The following RANBP2 variants were observed in gnomAD, a reference collection of about 807,000 sequenced individuals.
RANBP2 encodes RAN binding protein 2, also known as E3 SUMO-protein ligase RanBP2.
Under a neutral mutation model 303.6 loss-of-function variants are expected in RANBP2, and 57 were observed. The ratio of observed to expected loss-of-function variants is 0.19; its 90% confidence interval spans 0.15 to 0.23. The LOEUF (loss-of-function observed/expected upper bound fraction) is 0.23. RANBP2 is among the 10% of genes least tolerant of loss of function. The probability of loss-of-function intolerance (pLI) is 1.00; values close to 1 mark genes in which losing one functional copy is unlikely to be tolerated. For synonymous variants in RANBP2, 1,167 were observed against 1,301.5 expected, an observed-to-expected ratio of 0.90 and a Z score of 2.23; for missense variants, 3,138 against 3,780.8, an observed-to-expected ratio of 0.83 and a Z score of 4.46.
the RANBP2 span, among the ~76,000 whole-genome samples, chr2:109,120,263 C>T: frequency 2.0e-5 from 3 of 152,198 alleles, no homozygotes; most frequent in East Asian, 1.9e-4. Context: ...CCTGGCTTAC[C>T]CTGCCAGGGG....
chr2:109,272,775 C>A, the RANBP2 span, among the ~76,000 whole-genome samples: 1 of 152,194 alleles, frequency 6.6e-6, no homozygotes, highest in Non-Finnish European at 1.5e-5. Flanking sequence ...AGCATCAATG[C>A]ATCTCAGTTA....
chr2:109,445,642 A>C, the RANBP2 span, among the ~76,000 whole-genome samples: 72 of 152,200 alleles, frequency 4.7e-4, no homozygotes, highest in South Asian at 8.3e-4. Context: ...AAGAGGCTAA[A>C]TATATGAGAG....
At chr2:108,791,703 G>T in the RANBP2 span, 98,062 of 1,601,732 alleles carry the variant, frequency 0.061, 3,662 homozygotes, top group South Asian at 0.14. Flanking sequence ...TTCTTTCCAT[G>T]ATTTGAAGAA....
chr2:109,049,028 T>A, the RANBP2 span, among the ~76,000 whole-genome samples: 9 of 152,260 alleles, frequency 5.9e-5, no homozygotes, highest in Non-Finnish European at 1.5e-5. Flanking sequence ...AAATGTGCTC[T>A]TTGTGAATAA....
At chr2:109,291,157 C>T in the RANBP2 span, among the ~76,000 whole-genome samples, 2 of 152,036 alleles carry the variant, frequency 1.3e-5, no homozygotes, top group Non-Finnish European at 1.5e-5. Context: ...GTCTCATGAA[C>T]GTGGGGAGAG....
At chr2:109,270,028 T>C in the RANBP2 span, among the ~76,000 whole-genome samples, 1 of 152,238 alleles carries the variant, frequency 6.6e-6, no homozygotes, top group Admixed American at 6.5e-5. Context: ...AGATTGCGAT[T>C]GAAGCCACTG....
chr2:109,506,020 T>G, the RANBP2 span, among the ~76,000 whole-genome samples: 1 of 152,174 alleles, frequency 6.6e-6, no homozygotes, highest in East Asian at 1.9e-4. Context: ...AATCACGTAC[T>G]TCACTGCCTG....
chr2:108,912,578 G>A, the RANBP2 span: 17 of 1,159,436 alleles, frequency 1.5e-5, no homozygotes, highest in Admixed American at 9.9e-5. Flanking sequence ...GTGGGGAAGC[G>A]CACCATAATC....
chr2:109,279,068 G>T, the RANBP2 span, among the ~76,000 whole-genome samples: 1 of 152,196 alleles, frequency 6.6e-6, no homozygotes, highest in African/African-American at 2.4e-5. Context: ...AAAGTAAGAG[G>T]ATCTTGGGAA....
the RANBP2 span, among the ~76,000 whole-genome samples, chr2:109,489,508 A>G: frequency 6.6e-6 from 1 of 152,160 alleles, no homozygotes; most frequent in Non-Finnish European, 1.5e-5. Context: ...CTGGGGGAGG[A>G]GAAAGCAGAT....
At chr2:109,645,856 T>C in the RANBP2 span, among the ~76,000 whole-genome samples, 12,683 of 152,256 alleles carry the variant, frequency 0.083, 969 homozygotes, top group East Asian at 0.24. Context: ...TGATTATGGC[T>C]GTCTCCCACA....
downstream of RANBP2, chr2:108,786,995 G>A: frequency 1.0e-6 from 1 of 993,208 alleles, no homozygotes; most frequent in South Asian, 2.6e-5. Flanking sequence ...CAGCCGGCCT[G>A]GGGGCGCGCA....
intron 20 of RANBP2, among the ~76,000 whole-genome samples, chr2:108,768,893 C>T (rs1573824495): frequency 1.3e-5 from 2 of 151,906 alleles, no homozygotes; most frequent in Non-Finnish European, 1.5e-5. Flanking sequence ...ATGAGCCGGG[C>T]GTCGTGGTGC....
the RANBP2 span, among the ~76,000 whole-genome samples, chr2:109,727,670 C>T: frequency 2.0e-5 from 3 of 152,182 alleles, no homozygotes; most frequent in East Asian, 5.8e-4. Flanking sequence ...TGCCCTGGGG[C>T]ACAGAGGGCA....
the RANBP2 span, among the ~76,000 whole-genome samples, chr2:109,326,326 TCA>T: frequency 6.6e-6 from 1 of 152,214 alleles, no homozygotes; most frequent in East Asian, 1.9e-4. Context: ...ACTATCTACT[TCA>T]CAGTTAATGG....
the RANBP2 span, among the ~76,000 whole-genome samples, chr2:109,597,645 A>G: frequency 6.6e-6 from 1 of 152,148 alleles, no homozygotes; most frequent in South Asian, 2.1e-4. Context: ...ACACAAAACC[A>G]TATATAAATC....
chr2:108,881,528 T>C, the RANBP2 span, among the ~76,000 whole-genome samples: 1 of 152,234 alleles, frequency 6.6e-6, no homozygotes, highest in Admixed American at 6.5e-5. Flanking sequence ...CTTTCACAAC[T>C]TCGTAGTTTG....
the RANBP2 span, among the ~76,000 whole-genome samples, chr2:109,555,235 T>C: frequency 6.6e-6 from 1 of 152,216 alleles, no homozygotes; most frequent in Non-Finnish European, 1.5e-5. Flanking sequence ...CAAGAAACTT[T>C]ATAATCTCTG....
the RANBP2 span, among the ~76,000 whole-genome samples, chr2:109,532,272 C>A: frequency 2.0e-5 from 3 of 152,252 alleles, no homozygotes; most frequent in African/African-American, 7.2e-5. Flanking sequence ...CGGTCACTAC[C>A]AGACTTGGGA....
Sources: gnomAD v4.1 joint callset for allele counts (sites outside exome capture counted in the v4.1 genomes callset) on GRCh38, gnomAD v4.1.1 for gene constraint, MANE v1.5 for transcripts, NCBI Gene and HGNC (gene_info 2026-07-23, HGNC 2026-07-21) for gene names.